CNTN5: variants seen among roughly 807,000 people sequenced by gnomAD.
CNTN5 encodes contactin 5.
CNTN5 carries 77 observed loss-of-function variants against 129.1 expected under a neutral mutation model. The ratio of observed to expected loss-of-function variants is 0.60; its 90% CI spans 0.50 to 0.72. The LOEUF (loss-of-function observed/expected upper bound fraction) is 0.72. CNTN5 is among the 30% of genes least tolerant of loss of function. CNTN5 has a pLI of 0.00. For synonymous variants in CNTN5, 509 were observed against 465.6 expected (o/e 1.09, Z -1.20); for missense variants, 1,478 against 1,328.8 (o/e 1.11, Z -1.75).
At chr11:99,911,052 G>C (rs1949645971) in intron 6 of CNTN5, among the ~76,000 whole-genome samples, 1 of 152,030 alleles carries the variant, frequency 6.6e-6, no homozygotes, top group Non-Finnish European at 1.5e-5. Context: ...TGAGAAGCCA[G>C]CTCAGTTCCT....
chr11:100,230,649 C>A (rs1949468520), intron 16 of CNTN5, among the ~76,000 whole-genome samples: 1 of 152,182 alleles, frequency 6.6e-6, no homozygotes, highest in South Asian at 2.1e-4. Flanking sequence ...TCATTGCACA[C>A]AGACAACCAA....
chr11:99,338,252 G>A (rs1477085797), intron 2 of CNTN5, among the ~76,000 whole-genome samples: 1 of 152,076 alleles, frequency 6.6e-6, no homozygotes, highest in African/African-American at 2.4e-5. Context: ...ACCCAGCCTG[G>A]TCAAACAGCT....
Position 100,271,210 on chromosome 11 carries a change from C to G in CNTN5, c.2283C>G (p.Thr761=), listed in dbSNP as rs1194061521. The G allele has an allele frequency of 6.2e-7, 1 of 1,610,574 alleles. No individual in the cohort carries two copies. Residue 761 remains threonine (T), a synonymous_variant, in exon 18 of 25, where the codon ACC becomes ACG. Coordinates refer to ENST00000524871, the MANE Select transcript of CNTN5 (RefSeq NM_014361.4). ...TNPIGTGDPS[T]PSRMIRTNEA... ...CTATTGGGACAGGAGATCCAAGCAC[C>G]CCATCTCGAATGATCCGCACAAATG... is the stretch of plus-strand genomic sequence containing the variant.
intron 7 of CNTN5, among the ~76,000 whole-genome samples, chr11:99,946,682 A>G (rs1212447738): frequency 1.3e-5 from 2 of 152,118 alleles, no homozygotes; most frequent in Admixed American, 6.6e-5. Context: ...TGTATATTAC[A>G]TATATCTCTG....
chr11:99,454,098 G>A (rs2135204954), intron 2 of CNTN5, among the ~76,000 whole-genome samples: 1 of 152,220 alleles, frequency 6.6e-6, no homozygotes, highest in South Asian at 2.1e-4. Flanking sequence ...ATTGCCCACA[G>A]TGTATTTGCC....
chr11:99,631,644 CT>C (rs144637616), intron 3 of CNTN5, among the ~76,000 whole-genome samples: 30 of 149,150 alleles, frequency 2.0e-4, no homozygotes, highest in Middle Eastern at 3.4e-3. Context: ...ATTTCAAATA[CT>C]TTTTTTTTTA....
intron 2 of CNTN5, among the ~76,000 whole-genome samples, chr11:99,338,907 T>C (rs999649927): frequency 9.3e-6 from 1 of 107,942 alleles, no homozygotes; most frequent in African/African-American, 4.2e-5. Context: ...TTATGTATTT[T>C]GTTCATTCAC....
At chr11:99,568,705 G>T (rs1345711146) in intron 3 of CNTN5, among the ~76,000 whole-genome samples, 1 of 152,070 alleles carries the variant, frequency 6.6e-6, no homozygotes, top group Non-Finnish European at 1.5e-5. Flanking sequence ...TCCAAATATG[G>T]ATTATATATA....
At chr11:100,254,184 A>G (rs1950023584) in intron 16 of CNTN5, among the ~76,000 whole-genome samples, 1 of 152,148 alleles carries the variant, frequency 6.6e-6, no homozygotes, top group Admixed American at 6.5e-5. Context: ...ACCAAATTTG[A>G]ACTCTAGTAC....
chr11:100,318,392 T>C (rs114186118), intron 21 of CNTN5, among the ~76,000 whole-genome samples: 78 of 152,230 alleles, frequency 5.1e-4, no homozygotes, highest in African/African-American at 1.9e-3. Context: ...CACTGTATTA[T>C]ATAATGCACA....
intron 13 of CNTN5, among the ~76,000 whole-genome samples, chr11:100,137,446 G>A (rs2138237662): frequency 6.6e-6 from 1 of 152,114 alleles, no homozygotes; most frequent in Non-Finnish European, 1.5e-5. Context: ...AACTCTCATG[G>A]GGAAGAAAGC....
intron 1 of CNTN5, among the ~76,000 whole-genome samples, chr11:99,171,389 A>T (rs1373081559): frequency 6.6e-6 from 1 of 152,152 alleles, no homozygotes; most frequent in East Asian, 1.9e-4. Flanking sequence ...TATTCTTCTA[A>T]ATCTTTTCTG....
chr11:99,945,038 G>C (rs547110696), intron 7 of CNTN5, among the ~76,000 whole-genome samples: 1 of 152,172 alleles, frequency 6.6e-6, no homozygotes, highest in East Asian at 1.9e-4. Context: ...GTAAAATGAA[G>C]CATTGATGAT....
chr11:99,869,107 T>C (rs1482462282), intron 6 of CNTN5, among the ~76,000 whole-genome samples: 1 of 152,200 alleles, frequency 6.6e-6, no homozygotes, highest in African/African-American at 2.4e-5. Context: ...AAAACTCGTT[T>C]TACCTAATAA....
intron 3 of CNTN5, among the ~76,000 whole-genome samples, chr11:99,762,278 C>G (rs1382858919): frequency 6.7e-6 from 1 of 148,232 alleles, no homozygotes; most frequent in African/African-American, 2.5e-5. Flanking sequence ...AATTAGATCC[C>G]ATTTGTCAAT....
At chr11:99,848,777 C>T (rs12789951) in intron 6 of CNTN5, among the ~76,000 whole-genome samples, 45,181 of 151,920 alleles carry the variant, frequency 0.3, 7,734 homozygotes, top group Middle Eastern at 0.45. Flanking sequence ...TTATGCTGGG[C>T]TAGTGCTATC....
chr11:100,085,452 A>G (rs1944513258), intron 13 of CNTN5, among the ~76,000 whole-genome samples: 2 of 152,042 alleles, frequency 1.3e-5, no homozygotes, highest in South Asian at 4.1e-4. Context: ...ATTTATTTCC[A>G]TAAAAACTAA....
chr11:99,216,740 C>T (rs1001846569), intron 1 of CNTN5, among the ~76,000 whole-genome samples: 2 of 151,894 alleles, frequency 1.3e-5, no homozygotes, highest in Admixed American at 6.6e-5. Flanking sequence ...CTGAATAAGA[C>T]TTCAAAAAAC....
chr11:99,913,147 A>G (rs1949705069), intron 6 of CNTN5, among the ~76,000 whole-genome samples: 1 of 152,014 alleles, frequency 6.6e-6, no homozygotes, highest in Non-Finnish European at 1.5e-5. Flanking sequence ...AAGTATTTCA[A>G]AGTTCTCTGA....
Sources: gnomAD v4.1 joint callset for allele counts (sites outside exome capture counted in the v4.1 genomes callset) on GRCh38, gnomAD v4.1.1 for gene constraint, MANE v1.5 for transcripts, NCBI Gene and HGNC (gene_info 2026-07-23, HGNC 2026-07-21) for gene names.